CERK: variants seen among roughly 807,000 people sequenced by gnomAD.
CERK encodes the protein acylsphingosine kinase.
In CERK, 39 loss-of-function variants were observed where a neutral mutation model predicts 63.4. That is an observed-to-expected ratio of 0.61 (90% CI 0.48 to 0.80). The LOEUF is 0.80. CERK is among the 30% of genes least tolerant of loss of function. The pLI is 0.00. For synonymous variants in CERK, 302 were observed against 280.0 expected, an observed-to-expected ratio of 1.08 and a Z score of -0.78; for missense variants, 670 against 714.1, an observed-to-expected ratio of 0.94 and a Z score of 0.70.
intron 1 of CERK, among the ~76,000 whole-genome samples, chr22:46,732,460 C>T (rs954372899): frequency 6.6e-6 from 1 of 152,080 alleles, no homozygotes; most frequent in African/African-American, 2.4e-5. Context: ...AAGTAAAACA[C>T]ATTAGGAGTT....
chr22:46,720,776 A>G (rs1451091637), intron 2 of CERK, 126 bp downstream of exon 2: 1 of 601,322 alleles, frequency 1.7e-6, no homozygotes, highest in Non-Finnish European at 3.0e-6. Context: ...GGGGAAAAAA[A>G]TAGGAAGATT....
chr22:46,702,441 G>A (rs536393158), intron 6 of CERK, among the ~76,000 whole-genome samples: 16 of 152,092 alleles, frequency 1.1e-4, no homozygotes, highest in Admixed American at 7.2e-4. Flanking sequence ...ACAGGCACGC[G>A]CCACCACGCC....
Position 46,721,087 on chromosome 22 carries a change from A to G in CERK, c.143-72T>C. ...CACAGGTAAAATCAGTCCAACTCCA[A>G]GAAGCTGAGAATATTCTGCTTTAAT... is the stretch of plus-strand genomic sequence containing the variant. On this transcript the variant is annotated intron_variant, in intron 1 of 12. Transcript: ENST00000216264. 4 of 937,520 alleles carry G rather than the reference A, an allele frequency of 4.3e-6. No homozygotes were observed. The South Asian group carries it at 5.2e-5, about 12-fold the overall frequency. 58.1% of individuals were successfully genotyped at this position (937,520 alleles called of 1,614,324 possible). A position where few individuals can be genotyped will look rare whatever the true frequency, so the allele number is the denominator to read the frequency against.
Position 46,687,039 on chromosome 22 carries a change from C to A in CERK, c.*95G>T, listed in dbSNP as rs965200207. 1.0e-6 allele frequency: 1 copy of A among 973,226 alleles called. No homozygotes were observed. Among genetic ancestry groups the A allele is most frequent in the African/African-American group, 1.7e-5 (1 of 59,802 alleles). The allele number at this position is 973,226 out of a possible 1,614,324, so 60.3% of individuals were successfully genotyped here. On this transcript the variant is annotated 3_prime_UTR_variant, in exon 13 of 13. Transcript: ENST00000216264. The stretch of plus-strand genomic sequence containing the variant: ...AGATTTAACTATCAAAAATAAATTT[C>A]TACATTTAAATGTATATATCAACAT...
chr22:46,736,213 G>A (rs368672900), intron 1 of CERK, among the ~76,000 whole-genome samples: 6 of 152,260 alleles, frequency 3.9e-5, no homozygotes, highest in African/African-American at 9.6e-5. Flanking sequence ...AAAAGCAGAC[G>A]CCACACCACA....
At chr22:46,691,355 G>T (rs141977412) in intron 11 of CERK, among the ~76,000 whole-genome samples, 129 of 152,242 alleles carry the variant, frequency 8.5e-4, no homozygotes, top group African/African-American at 2.9e-3. Context: ...TTACAGGCAT[G>T]AGCCACCGCA....
chr22:46,687,583 C>T (rs2082709218), intron 12 of CERK, among the ~76,000 whole-genome samples: 1 of 151,654 alleles, frequency 6.6e-6, no homozygotes, highest in Admixed American at 6.6e-5. Context: ...CCCACTCCAC[C>T]CACCCACCCA....
chr22:46,731,717 G>A (rs745554398), intron 1 of CERK, among the ~76,000 whole-genome samples: 6 of 152,206 alleles, frequency 3.9e-5, no homozygotes, highest in Non-Finnish European at 8.8e-5. Flanking sequence ...TGGTGAGCAC[G>A]TGTGCCCCGG....
chr22:46,706,810 G>A (rs1005373723), intron 6 of CERK, among the ~76,000 whole-genome samples: 6 of 151,974 alleles, frequency 3.9e-5, no homozygotes, highest in South Asian at 2.1e-4. Flanking sequence ...GAAAACACCC[G>A]CAATGTCACC....
At chr22:46,725,294 G>T (rs1021316036) in intron 1 of CERK, among the ~76,000 whole-genome samples, 1 of 151,766 alleles carries the variant, frequency 6.6e-6, no homozygotes. Flanking sequence ...TCCCTGCGGG[G>T]GCTCAGGAAA....
At chr22:46,726,065 C>T (rs1569329767) in intron 1 of CERK, among the ~76,000 whole-genome samples, 1 of 152,240 alleles carries the variant, frequency 6.6e-6, no homozygotes, top group African/African-American at 2.4e-5. Flanking sequence ...CAGGAGGGCC[C>T]ACGGGTTTCC....
intron 3 of CERK, among the ~76,000 whole-genome samples, chr22:46,718,716 A>G (rs932289580): frequency 1.3e-5 from 2 of 152,222 alleles, no homozygotes; most frequent in Non-Finnish European, 2.9e-5. Context: ...ATTCAAAAAT[A>G]TATAAAACTA....
rs2146535449 is a variant in CERK, at chr22:46,686,310, G to A, written c.*824C>T. 6.6e-6 allele frequency: 1 copy of A among 152,280 alleles called. No individual in the cohort carries two copies. Among genetic ancestry groups the A allele is most frequent in the East Asian group, 1.9e-4 (1 of 5,212 alleles). The allele number at this position is 152,280 out of a possible 1,614,324, so 9.4% of individuals were successfully genotyped here. A position where few individuals can be genotyped will look rare whatever the true frequency, so the allele number is the denominator to read the frequency against. On this transcript the variant is annotated 3_prime_UTR_variant, in exon 13 of 13. Transcript: ENST00000216264. ...CAGGACCGGCCCCTCCTCCACGGAT[G>A]GCCAGCTTCCTCCTGACTGCCCCCA...
chr22:46,693,762 G>C (rs2082742956), intron 9 of CERK: 2 of 426,482 alleles, frequency 4.7e-6, no homozygotes, highest in Non-Finnish European at 8.7e-6. Flanking sequence ...GTGCCACCTG[G>C]AGACGGTTTC....
At chr22:46,708,603 A>T (rs1296035360) in intron 5 of CERK, among the ~76,000 whole-genome samples, 1 of 152,134 alleles carries the variant, frequency 6.6e-6, no homozygotes, top group Non-Finnish European at 1.5e-5. Context: ...AGGAGAGGAG[A>T]TGGAGAAAGG....
rs141424707 is a variant in CERK at position 46,700,350 on chromosome 22, G to A, written c.791-885C>T. ...GGAGGTTGCAGTGAGCCAAGATCGC[G>A]CCACTGTACTCTAGCCTGGGCAACA... On this transcript the variant is annotated intron_variant, in intron 7 of 12. Coordinates refer to ENST00000216264, the MANE Select transcript of CERK (RefSeq NM_022766.6). Among the ~76,000 whole-genome samples the A allele has an allele frequency of 3.8e-3, 582 of 151,974 alleles. 3 individuals carry two copies. Among genetic ancestry groups the A allele is most frequent in the African/African-American group, 0.013 (526 of 41,446 alleles).
chr22:46,730,388 T>C (rs2082939661), intron 1 of CERK, among the ~76,000 whole-genome samples: 1 of 151,610 alleles, frequency 6.6e-6, no homozygotes, highest in East Asian at 1.9e-4. Context: ...ACCATTACAC[T>C]CCAGTCTGGG....
chr22:46,727,408 T>C (rs938335342), intron 1 of CERK, among the ~76,000 whole-genome samples: 8 of 151,598 alleles, frequency 5.3e-5, no homozygotes, highest in African/African-American at 1.7e-4. Context: ...GCTTCCCAAG[T>C]AGTTGGGACC....
At chr22:46,730,343 C>T (rs1426747445) in intron 1 of CERK, among the ~76,000 whole-genome samples, 1 of 151,884 alleles carries the variant, frequency 6.6e-6, no homozygotes, top group East Asian at 1.9e-4. Flanking sequence ...ACTGCTTGAA[C>T]CCAGGAGGTG....
Sources: allele counts gnomAD v4.1 joint callset (sites outside exome capture counted in the v4.1 genomes callset), GRCh38; gene constraint gnomAD v4.1.1; transcripts MANE v1.5; gene names NCBI Gene and HGNC (gene_info 2026-07-23, HGNC 2026-07-21).